Variants in CNBD1 observed in about 807,000 individuals in gnomAD.
CNBD1 encodes cyclic nucleotide binding domain containing 1, also known as cyclic nucleotide-binding domain-containing protein 1.
A neutral mutation model predicts 54.4 loss-of-function variants in CNBD1; 71 were observed. That is an observed-to-expected ratio of 1.30 (90% CI 1.08 to 1.59). CNBD1 has a LOEUF of 1.59. Among genes scored for constraint, CNBD1 ranks in the 40% most tolerant of loss-of-function variants. CNBD1 has a pLI of 0.00. For missense variants in CNBD1, 659 were observed against 518.0 expected (o/e 1.27, Z -2.64); for synonymous variants, 182 against 170.7 (o/e 1.07, Z -0.51).
At chr8:87,368,619 A>C (rs1469335951) in intron 10 of CNBD1, among the ~76,000 whole-genome samples, 1 of 152,018 alleles carries the variant, frequency 6.6e-6, no homozygotes, top group Non-Finnish European at 1.5e-5. Flanking sequence ...CCTGGGTGAC[A>C]GAACAAAAAC....
chr8:87,264,759 G>A (rs969465466), intron 6 of CNBD1, among the ~76,000 whole-genome samples: 38 of 152,104 alleles, frequency 2.5e-4, no homozygotes, highest in African/African-American at 9.2e-4. Context: ...GTGATGATGA[G>A]CATTTTTTTC....
intron 4 of CNBD1, among the ~76,000 whole-genome samples, chr8:87,134,012 T>A (rs978630311): frequency 6.6e-6 from 1 of 152,170 alleles, no homozygotes; most frequent in African/African-American, 2.4e-5. Context: ...GTGTTAAAAT[T>A]GGCTTAGGAA....
chr8:87,298,548 A>T (rs908271756), intron 8 of CNBD1, among the ~76,000 whole-genome samples: 2 of 145,774 alleles, frequency 1.4e-5, no homozygotes, highest in Admixed American at 1.4e-4. Flanking sequence ...ACAGTGGAGC[A>T]ATCTTGGCTC....
intron 2 of CNBD1, among the ~76,000 whole-genome samples, chr8:87,415,787 T>C (rs1236245602): frequency 6.6e-6 from 1 of 151,794 alleles, no homozygotes; most frequent in Non-Finnish European, 1.5e-5. Context: ...TGTAAAAAGC[T>C]ATATAAATTA....
At chr8:86,884,171 C>A (rs931354206) in intron 1 of CNBD1, among the ~76,000 whole-genome samples, 43 of 143,170 alleles carry the variant, frequency 3.0e-4, no homozygotes, top group East Asian at 1.3e-3. Flanking sequence ...CAAAACAAAA[C>A]AAAACAAAAA....
chr8:86,964,078 C>T (rs1323010090), intron 4 of CNBD1, among the ~76,000 whole-genome samples: 1 of 11,890 alleles, frequency 8.4e-5, no homozygotes, highest in African/African-American at 3.5e-4. Context: ...CCAAGGTGGC[C>T]ACTTCCAGAG....
At chr8:86,983,975 T>C (rs992052187) in intron 4 of CNBD1, among the ~76,000 whole-genome samples, 114 of 152,224 alleles carry the variant, frequency 7.5e-4, no homozygotes, top group African/African-American at 2.7e-3. Context: ...GGAGAGAATG[T>C]CTCCAGGGCA....
At chr8:86,970,299 C>T (rs1391158004) in intron 4 of CNBD1, among the ~76,000 whole-genome samples, 1 of 152,106 alleles carries the variant, frequency 6.6e-6, no homozygotes, top group African/African-American at 2.4e-5. Context: ...TATGTTAGCA[C>T]TTCTAATTAT....
intron 4 of CNBD1, among the ~76,000 whole-genome samples, chr8:87,122,490 C>T (rs1397526067): frequency 6.6e-6 from 1 of 151,456 alleles, no homozygotes; most frequent in East Asian, 1.9e-4. Flanking sequence ...CTGTGGATTG[C>T]CTCTTCAGTC....
chr8:87,237,228 A>G, intron 6 of CNBD1, 116 bp downstream of exon 6: 1 of 516,010 alleles, frequency 1.9e-6, no homozygotes, highest in Non-Finnish European at 3.4e-6. Context: ...TATTTACGAT[A>G]ATATAGCCTT....
intron 2 of CNBD1, among the ~76,000 whole-genome samples, chr8:87,425,585 G>T (rs908424183): frequency 2.0e-5 from 3 of 152,058 alleles, no homozygotes; most frequent in Non-Finnish European, 4.4e-5. Context: ...GCAGTGTGAG[G>T]TGTCAGTGTG....
chr8:86,876,548 T>A (rs1397092581), intron 1 of CNBD1, among the ~76,000 whole-genome samples: 2 of 151,812 alleles, frequency 1.3e-5, no homozygotes, highest in Non-Finnish European at 2.9e-5. Flanking sequence ...TTCTGTTTTA[T>A]AAATTTATTC....
At chr8:87,142,890 AT>A (rs2130740205) in intron 4 of CNBD1, among the ~76,000 whole-genome samples, 1 of 37,038 alleles carries the variant, frequency 2.7e-5, no homozygotes, top group African/African-American at 1.2e-4. Context: ...CTGTGTATGC[AT>A]TCATTCAACA....
chr8:87,090,730 G>A (rs1397049726), intron 4 of CNBD1, among the ~76,000 whole-genome samples: 1 of 152,088 alleles, frequency 6.6e-6, no homozygotes, highest in Non-Finnish European at 1.5e-5. Context: ...ATTAGATTGA[G>A]TTTGTTACAT....
At chr8:87,297,560 C>A (rs6993281) in intron 8 of CNBD1, among the ~76,000 whole-genome samples, 8 of 151,964 alleles carry the variant, frequency 5.3e-5, no homozygotes, top group Non-Finnish European at 1.0e-4. Flanking sequence ...TTATAAATCA[C>A]TTTAATAATA....
chr8:87,378,524 G>C (rs1300728430), intron 10 of CNBD1, among the ~76,000 whole-genome samples: 7 of 150,786 alleles, frequency 4.6e-5, no homozygotes, highest in South Asian at 2.1e-4. Context: ...TCTCTGTTTT[G>C]GTACCAGTAC....
intron 4 of CNBD1, among the ~76,000 whole-genome samples, chr8:86,953,246 C>G (rs1807671308): frequency 6.6e-6 from 1 of 152,114 alleles, no homozygotes; most frequent in African/African-American, 2.4e-5. Flanking sequence ...AAAGAAACAA[C>G]TTAATAATTG....
intron 1 of CNBD1, among the ~76,000 whole-genome samples, chr8:86,872,849 AT>A (rs1224123278): frequency 6.6e-6 from 1 of 152,136 alleles, no homozygotes; most frequent in Non-Finnish European, 1.5e-5. Flanking sequence ...TAATTTGCAA[AT>A]ATAGTCTCCA....
chr8:86,975,855 A>G (rs1413905505), intron 4 of CNBD1, among the ~76,000 whole-genome samples: 1 of 152,040 alleles, frequency 6.6e-6, no homozygotes, highest in African/African-American at 2.4e-5. Flanking sequence ...GCAACGTACA[A>G]GGAGTTCTCT....
Sources: gnomAD v4.1 joint callset for allele counts (sites outside exome capture counted in the v4.1 genomes callset) on GRCh38, gnomAD v4.1.1 for gene constraint, MANE v1.5 for transcripts, NCBI Gene and HGNC (gene_info 2026-07-23, HGNC 2026-07-21) for gene names.